STOX1: variants seen among roughly 807,000 people sequenced by gnomAD.
STOX1 encodes the protein storkhead box 1, also known as storkhead-box protein 1.
STOX1 carries 57 observed loss-of-function variants against 74.8 expected under a neutral mutation model. That is an observed-to-expected ratio of 0.76 (90% CI 0.62 to 0.95). The LOEUF (loss-of-function observed/expected upper bound fraction) is 0.95. STOX1 is among the 40% of genes least tolerant of loss of function. The probability of loss-of-function intolerance (pLI) is 0.00; values close to 1 mark genes in which losing one functional copy is unlikely to be tolerated. For synonymous variants in STOX1, 375 were observed against 401.3 expected, an observed-to-expected ratio of 0.93 and a Z score of 0.78; for missense variants, 1,010 against 1,117.0, an observed-to-expected ratio of 0.90 and a Z score of 1.37.
At chr10:68,867,403 C>T (rs913139735) in intron 1 of STOX1, among the ~76,000 whole-genome samples, 15 of 152,174 alleles carry the variant, frequency 9.9e-5, no homozygotes, top group Non-Finnish European at 1.8e-4. Context: ...ACTGCCAAGC[C>T]TCTAAATCAC....
chr10:68,839,605 A>G (rs1055799893), intron 1 of STOX1, among the ~76,000 whole-genome samples: 1 of 152,090 alleles, frequency 6.6e-6, no homozygotes, highest in Non-Finnish European at 1.5e-5. Flanking sequence ...AAAATACATT[A>G]CAGGCCGGGC....
At chr10:68,876,652 C>T (rs1564584623) in intron 1 of STOX1, among the ~76,000 whole-genome samples, 2 of 152,170 alleles carry the variant, frequency 1.3e-5, no homozygotes, top group South Asian at 4.1e-4. Context: ...CCAAAGAGCA[C>T]AAGACTGTGT....
chr10:68,868,883 T>C (rs2133576417), intron 1 of STOX1, among the ~76,000 whole-genome samples: 1 of 152,314 alleles, frequency 6.6e-6, no homozygotes, highest in Non-Finnish European at 1.5e-5. Context: ...ATTTTCAGAT[T>C]GTTTTCCCAC....
intron 1 of STOX1, among the ~76,000 whole-genome samples, chr10:68,862,723 G>A (rs898348285): frequency 6.6e-6 from 1 of 152,050 alleles, no homozygotes; most frequent in Non-Finnish European, 1.5e-5. Flanking sequence ...TGAACATAGT[G>A]TGGCCATGGC....
At chr10:68,889,492 C>T (rs1841048374) in intron 3 of STOX1, among the ~76,000 whole-genome samples, 1 of 152,136 alleles carries the variant, frequency 6.6e-6, no homozygotes, top group Non-Finnish European at 1.5e-5. Context: ...TCATACAGAG[C>T]CATGGCTTTC....
At chr10:68,889,389 G>A (rs1780069933) in intron 3 of STOX1, among the ~76,000 whole-genome samples, 1 of 151,852 alleles carries the variant, frequency 6.6e-6, no homozygotes. Context: ...CCTTGAACTG[G>A]ATTCAACCAT....
Position 68,836,999 on chromosome 10 carries a change from G to T in STOX1, c.310+9066G>T, listed in dbSNP as rs114221497. On this transcript the variant is annotated intron_variant, in intron 1 of 3. Transcript: ENST00000298596. ...ACAGTTGTTGAAGCACCCACACCATGCTGGGCTGCCCTTGCGCTTGCAGTC... is the reference window on the plus strand; with the variant it reads ...ACAGTTGTTGAAGCACCCACACCATTCTGGGCTGCCCTTGCGCTTGCAGTC... 7.9e-3 allele frequency among the ~76,000 whole-genome samples: 1,197 copies of T among 152,292 alleles called. 19 individuals carry two copies. Among genetic ancestry groups the T allele is most frequent in the African/African-American group, 0.027 (1,138 of 41,568 alleles).
chr10:68,836,748 ACT>A (rs1373141497), intron 1 of STOX1, among the ~76,000 whole-genome samples: 1 of 151,706 alleles, frequency 6.6e-6, no homozygotes, highest in African/African-American at 2.4e-5. Flanking sequence ...GCTCACTTTG[ACT>A]CTGTTGACTG....
rs182782598 is a variant in STOX1, at chr10:68,884,504, C to T, written c.708C>T (p.Ala236=). The change falls in exon 3 of 4, where the codon GCC becomes GCT. Residue 236 remains alanine (A), a synonymous_variant. Transcript: ENST00000298596. ...CAGAGTCAGCCCAAGAGAATGCTGC[C>T]CCCATATCCCACTGTCAGTCTTGCC... ...SCAESAQENA[A]PISHCQSCQC... 2.0e-5 allele frequency: 32 copies of T among 1,613,780 alleles called. No homozygotes were observed. Among genetic ancestry groups the T allele is most frequent in the Admixed American group, 1.7e-4 (10 of 60,020 alleles).
intron 1 of STOX1, among the ~76,000 whole-genome samples, chr10:68,841,516 T>C (rs1189710711): frequency 6.6e-6 from 1 of 152,196 alleles, no homozygotes; most frequent in African/African-American, 2.4e-5. Context: ...GCATATTACA[T>C]GTATTATTTT....
chr10:68,888,627 A>ATT (rs747038041), intron 3 of STOX1, among the ~76,000 whole-genome samples: 4,617 of 107,440 alleles, frequency 0.043, 445 homozygotes, highest in African/African-American at 0.17. Context: ...CTTTGCCAGT[A>ATT]TTTTTTTTTT....
intron 3 of STOX1, among the ~76,000 whole-genome samples, chr10:68,887,757 C>G (rs1840998621): frequency 6.6e-6 from 1 of 151,034 alleles, no homozygotes; most frequent in African/African-American, 2.4e-5. Flanking sequence ...CAACACCCAG[C>G]TAATTTTTGT....
rs1308286669 is a variant in STOX1 at position 68,877,328 on chromosome 10, CAA to C, written c.311-4628_311-4627del. Among the ~76,000 whole-genome samples the C allele has an allele frequency of 1.3e-5, 2 of 152,110 alleles. 1 individual carries two copies. Among genetic ancestry groups the C allele is most frequent in the African/African-American group, 4.8e-5 (2 of 41,414 alleles). On this transcript the variant is annotated intron_variant, in intron 1 of 3. Coordinates refer to ENST00000298596, the MANE Select transcript of STOX1 (RefSeq NM_152709.5). ...TTTTTAAGAGTATCTTTGGATTTGGCAAACAGTGTTAGGGTTGTTTTAAAAAG... is the reference window on the plus strand; with the variant it reads ...TTTTTAAGAGTATCTTTGGATTTGGCACAGTGTTAGGGTTGTTTTAAAAAG...
At chr10:68,865,432 G>A (rs1429366169) in intron 1 of STOX1, among the ~76,000 whole-genome samples, 3 of 152,280 alleles carry the variant, frequency 2.0e-5, no homozygotes, top group Non-Finnish European at 4.4e-5. Context: ...TGTGGATCAC[G>A]AGGTCAGGAG....
intron 1 of STOX1, among the ~76,000 whole-genome samples, chr10:68,855,689 C>T (rs1218605172): frequency 2.6e-5 from 4 of 151,836 alleles, no homozygotes; most frequent in Non-Finnish European, 5.9e-5. Flanking sequence ...AAGTGATCCT[C>T]CCACCTCAGC....
chr10:68,893,156 G>A (rs1481651536), downstream of STOX1: 1 of 185,072 alleles, frequency 5.4e-6, no homozygotes, highest in African/African-American at 2.4e-5. Context: ...AAAACAGTGT[G>A]TGTTGAAGCA....
intron 1 of STOX1, among the ~76,000 whole-genome samples, chr10:68,860,098 T>C (rs1840224256): frequency 6.6e-6 from 1 of 151,892 alleles, no homozygotes. Flanking sequence ...GAGACCAGCC[T>C]GGCCAACATG....
chr10:68,838,142 C>T (rs1008422560), intron 1 of STOX1, among the ~76,000 whole-genome samples: 2 of 151,770 alleles, frequency 1.3e-5, no homozygotes, highest in Non-Finnish European at 2.9e-5. Flanking sequence ...TCATGGCTCC[C>T]TGCAGCCTCG....
chr10:68,854,793 C>T (rs1052954161), intron 1 of STOX1, among the ~76,000 whole-genome samples: 4 of 152,130 alleles, frequency 2.6e-5, no homozygotes, highest in African/African-American at 9.7e-5. Context: ...CATGGCACCC[C>T]TGGTAACAAA....
Sources: gnomAD v4.1 joint callset for allele counts (sites outside exome capture counted in the v4.1 genomes callset) on GRCh38, gnomAD v4.1.1 for gene constraint, MANE v1.5 for transcripts, NCBI Gene and HGNC (gene_info 2026-07-23, HGNC 2026-07-21) for gene names.